GCC2: variants seen among roughly 807,000 people sequenced by gnomAD.
GCC2 encodes the protein GRIP and coiled-coil domain-containing protein 2.
In GCC2, 120 loss-of-function variants were observed where a neutral mutation model predicts 210.6. The ratio of observed to expected loss-of-function variants is 0.57; its 90% CI spans 0.49 to 0.66. The LOEUF is 0.66. Ranked by LOEUF, GCC2 falls within the 30% of genes least tolerant of loss-of-function variation. The pLI is 0.00. For synonymous variants in GCC2, 703 were observed against 652.7 expected (o/e 1.08, Z -1.17); for missense variants, 1,868 against 1,871.9 (o/e 1.00, Z 0.04).
chr2:108,488,851 A>G (rs1412186069), intron 17 of GCC2, among the ~76,000 whole-genome samples: 1 of 152,210 alleles, frequency 6.6e-6, no homozygotes, highest in Non-Finnish European at 1.5e-5. Context: ...GAATCTATTA[A>G]ATATAGAGAC....
At chr2:108,460,290 C>T (rs950348129) in intron 4 of GCC2, among the ~76,000 whole-genome samples, 6 of 152,106 alleles carry the variant, frequency 3.9e-5, no homozygotes, top group South Asian at 2.1e-4. Context: ...AGCACGTAGT[C>T]GGATTATGTT....
chr2:108,473,095 T>C (rs1157716702), intron 7 of GCC2, 196 bp downstream of exon 7: 1 of 468,588 alleles, frequency 2.1e-6, no homozygotes, highest in Non-Finnish European at 3.7e-6. Flanking sequence ...TTCTATTGTT[T>C]AACCCAAGCA....
intron 9 of GCC2, among the ~76,000 whole-genome samples, chr2:108,478,817 C>G (rs1344821643): frequency 6.6e-6 from 1 of 152,098 alleles, no homozygotes; most frequent in Non-Finnish European, 1.5e-5. Context: ...TCTAGAGGAG[C>G]CTACCCAAAT....
At chr2:108,489,536 G>A (rs1022983793) in intron 17 of GCC2, among the ~76,000 whole-genome samples, 1 of 151,752 alleles carries the variant, frequency 6.6e-6, no homozygotes, top group African/African-American at 2.4e-5. Context: ...AATAGTGTGA[G>A]GTTTTTTTCT....
At chr2:108,492,137 T>G (rs1452646098) in intron 18 of GCC2, among the ~76,000 whole-genome samples, 1 of 150,618 alleles carries the variant, frequency 6.6e-6, no homozygotes, top group African/African-American at 2.4e-5. Context: ...CAGAAGAGTG[T>G]GGGGTTTTTT....
At chr2:108,493,593 A>C (rs1682509294) in intron 19 of GCC2, 41 of 985,470 alleles carry the variant, frequency 4.2e-5, no homozygotes, top group Non-Finnish European at 4.9e-5. Context: ...TAGTTCAGCC[A>C]CACCCAGTAT....
In GCC2 at chr2:108,471,819, GTCTT is replaced by G. The variant is rs1558741343; in HGVS notation, c.2492_2495del (p.Ser831TyrfsTer2). 4 of 1,613,480 alleles carry G rather than the reference GTCTT, an allele frequency of 2.5e-6. No homozygotes were observed. Among genetic ancestry groups the G allele is most frequent in the Non-Finnish European group, 3.4e-6 (4 of 1,179,624 alleles). On this transcript the variant is annotated frameshift_variant, in exon 6 of 23. Coordinates refer to ENST00000309863, the MANE Select transcript of GCC2 (RefSeq NM_181453.4). LOFTEE classifies it high-confidence loss of function. ...GTGTAGTTCAGTGTGAAGAACTTAAGTCTTTATTGAGAGACTATGAGCAAGAGAA... is the reference window on the plus strand; with the variant it reads ...GTGTAGTTCAGTGTGAAGAACTTAAGTATTGAGAGACTATGAGCAAGAGAA...
At chr2:108,499,082 C>CTT (rs4012131) in intron 21 of GCC2, among the ~76,000 whole-genome samples, 27,769 of 75,600 alleles carry the variant, frequency 0.37, 6,594 homozygotes, top group East Asian at 0.91. Context: ...ATCCTCTCCT[C>CTT]GTCAGTGATA....
At chr2:108,454,482 T>G (rs1169407110) in intron 4 of GCC2, among the ~76,000 whole-genome samples, 3 of 152,262 alleles carry the variant, frequency 2.0e-5, no homozygotes, top group African/African-American at 7.2e-5. Flanking sequence ...CATTTTATAA[T>G]GTACTGTTTC....
intron 16 of GCC2, among the ~76,000 whole-genome samples, chr2:108,487,204 A>G (rs2577587): frequency 0.19 from 28,869 of 152,206 alleles, 3,092 homozygotes; most frequent in African/African-American, 0.27. Flanking sequence ...TCAAATTTAT[A>G]AAAAGAGGGG....
At chr2:108,472,517 T>C (rs1573373484) in intron 6 of GCC2, among the ~76,000 whole-genome samples, 1 of 152,238 alleles carries the variant, frequency 6.6e-6, no homozygotes, top group Middle Eastern at 3.4e-3. Context: ...AGGGTTTTCT[T>C]TAAAAATTAA....
At chr2:108,467,842 G>A (rs1680984120) in intron 4 of GCC2, among the ~76,000 whole-genome samples, 1 of 152,000 alleles carries the variant, frequency 6.6e-6, no homozygotes, top group Non-Finnish European at 1.5e-5. Flanking sequence ...TATGAAATTG[G>A]GATGATCTGT....
intron 9 of GCC2, among the ~76,000 whole-genome samples, chr2:108,476,054 C>CTTTTTTTTTTTTTT (rs56236751): frequency 4.2e-5 from 4 of 96,318 alleles, no homozygotes; most frequent in African/African-American, 7.5e-5. Flanking sequence ...TAGTGGCTTG[C>CTTTTTTTTTTTTTT]TTTTTTTTTT....
At chr2:108,500,705 GA>G (rs1013948742) in intron 22 of GCC2, among the ~76,000 whole-genome samples, 3 of 152,058 alleles carry the variant, frequency 2.0e-5, no homozygotes, top group Non-Finnish European at 4.4e-5. Context: ...TTTTATTTTT[GA>G]CATTTACAAG....
At chr2:108,450,565 G>C (rs925235757) in intron 2 of GCC2, among the ~76,000 whole-genome samples, 1 of 152,228 alleles carries the variant, frequency 6.6e-6, no homozygotes, top group African/African-American at 2.4e-5. Context: ...AGCAATTACA[G>C]AATTGACGTT....
rs760958545 is a variant in GCC2 at position 108,485,821 on chromosome 2, C to T, written c.3715-10C>T. 1.9e-6 allele frequency: 3 copies of T among 1,539,348 alleles called. No homozygotes were observed. Among genetic ancestry groups the T allele is most frequent in the Non-Finnish European group, 1.8e-6 (2 of 1,133,282 alleles). ...TTAAAAAAAATTTAACCAAGATTCT[C>T]ATTCTATAGGAAACTGATCACTTAA... On this transcript the variant is annotated splice_polypyrimidine_tract_variant and intron_variant, in intron 14 of 22. Transcript: ENST00000309863.
intron 4 of GCC2, among the ~76,000 whole-genome samples, chr2:108,461,887 G>A (rs1198184692): frequency 9.5e-5 from 12 of 125,912 alleles, no homozygotes; most frequent in African/African-American, 3.7e-4. Context: ...AGGCCGGACT[G>A]CAGTGGCCTA....
rs566862820 is a variant in GCC2 at position 108,454,029 on chromosome 2, C to T, written c.216+1563C>T. On this transcript the variant is annotated intron_variant, in intron 4 of 22. Coordinates refer to ENST00000309863, the MANE Select transcript of GCC2 (RefSeq NM_181453.4). Reference sequence around the variant, plus strand: ...ATTTTGAGACAGAGTCTCGCCTTGTCGCCCAGGCTGGAGTGCAGTGGCACA... The same window carrying T: ...ATTTTGAGACAGAGTCTCGCCTTGTTGCCCAGGCTGGAGTGCAGTGGCACA... Among the ~76,000 whole-genome samples the T allele has an allele frequency of 2.0e-3, 301 of 152,176 alleles. 1 individual carries two copies. Among genetic ancestry groups the T allele is most frequent in the Middle Eastern group, 0.01 (3 of 294 alleles).
In GCC2 at chr2:108,481,739, G is replaced by A. The variant is rs1423737921; in HGVS notation, c.3103G>A (p.Val1035Met). The change falls in exon 10 of 23, where the codon GTG becomes ATG. Residue 1035 changes from valine to methionine, a missense_variant. Transcript: ENST00000309863. Reference protein sequence around the residue: ...EYEKQSEQLDVEKERANNFEH... With the variant: ...EYEKQSEQLDMEKERANNFEH... ...TGAAAAGCAGTCAGAGCAACTGGAT[G>A]TGGAAAAAGAACGTGCTAATAATTT... 1.2e-6 allele frequency: 2 copies of A among 1,602,488 alleles called. No individual in the cohort carries two copies. The highest frequency in any genetic ancestry group is 1.1e-5 in the South Asian group (1 of 89,544).
Sources: gnomAD v4.1 joint callset for allele counts (sites outside exome capture counted in the v4.1 genomes callset) on GRCh38, gnomAD v4.1.1 for gene constraint, MANE v1.5 for transcripts, NCBI Gene and HGNC (gene_info 2026-07-23, HGNC 2026-07-21) for gene names.